Variants in MORN1 observed in about 807,000 individuals in gnomAD.
MORN1 encodes the protein MORN repeat-containing protein 1.
In MORN1, 67 loss-of-function variants were observed where a neutral mutation model predicts 61.9. The observed-to-expected ratio is 1.08, with a 90% CI of 0.89 to 1.33. MORN1 has a LOEUF of 1.33. Ranked by LOEUF, MORN1 falls within the 40% of genes most tolerant of loss-of-function variation. The pLI is 0.00. For synonymous variants in MORN1, 301 were observed against 292.0 expected, an observed-to-expected ratio of 1.03 and a Z score of -0.31; for missense variants, 752 against 691.2, an observed-to-expected ratio of 1.09 and a Z score of -0.99.
chr1:2,355,163 G>A (rs1441544519), intron 10 of MORN1: 5 of 1,156,970 alleles, frequency 4.3e-6, no homozygotes, highest in Non-Finnish European at 5.3e-6. Flanking sequence ...TCTCCAAGTA[G>A]AAGGCATGGC....
At chr1:2,391,389 G>A in intron 1 of MORN1, 69 bp downstream of exon 1, 4 of 1,246,050 alleles carry the variant, frequency 3.2e-6, no homozygotes, top group East Asian at 3.2e-5. Context: ...GGTCGAGGGC[G>A]TAGAGCGATC....
At chr1:2,387,879 G>A (rs1038506709) in intron 3 of MORN1, 20 of 424,968 alleles carry the variant, frequency 4.7e-5, no homozygotes, top group East Asian at 2.4e-4. Flanking sequence ...AGAACCCACC[G>A]ACCCCTCTGG....
chr1:2,325,140 C>CTTCCTTCCTTCCTTCCT (rs371807562), intron 12 of MORN1, among the ~76,000 whole-genome samples: 7 of 6,694 alleles, frequency 1.0e-3, no homozygotes, highest in African/African-American at 4.6e-3. Context: ...CCTTCCCTCC[C>CTTCCTTCCTTCCTTCCT]TCCCTCCCTT....
At chr1:2,386,026 C>T (rs985478559) in intron 4 of MORN1, 129 bp from the exon 5 acceptor site, 11 of 742,166 alleles carry the variant, frequency 1.5e-5, no homozygotes, top group African/African-American at 1.0e-4. Flanking sequence ...GGGCTCAGGG[C>T]CCCCCAGGAA....
At chr1:2,388,433 T>C (rs914822902) in intron 2 of MORN1, 96 bp from the exon 3 acceptor site, 2 of 953,672 alleles carry the variant, frequency 2.1e-6, no homozygotes, top group Admixed American at 3.8e-5. Context: ...AACCAAGAGC[T>C]TGGCTTCAAA....
chr1:2,355,639 G>A (rs368330944), intron 10 of MORN1, among the ~76,000 whole-genome samples: 2 of 152,328 alleles, frequency 1.3e-5, no homozygotes, highest in African/African-American at 2.4e-5. Context: ...TGTGAGTCAC[G>A]GAACCTTAGG....
At chr1:2,368,359 A>C (rs535743336) in intron 8 of MORN1, among the ~76,000 whole-genome samples, 12 of 152,360 alleles carry the variant, frequency 7.9e-5, no homozygotes, top group African/African-American at 2.9e-4. Context: ...GCAGTGTCGC[A>C]GTCATATTTA....
intron 12 of MORN1, among the ~76,000 whole-genome samples, chr1:2,330,421 C>T (rs1641124473): frequency 6.6e-6 from 1 of 152,124 alleles, no homozygotes; most frequent in Non-Finnish European, 1.5e-5. Context: ...GTCCTCTGGG[C>T]CTGGGACAGG....
intron 12 of MORN1, among the ~76,000 whole-genome samples, chr1:2,324,978 G>GCTA (rs200047282): frequency 6.3e-5 from 1 of 15,904 alleles, no homozygotes; most frequent in Non-Finnish European, 9.9e-5. Flanking sequence ...AGGAAGCTGG[G>GCTA]CCCGGCAGGT....
rs1642663688 is a variant in MORN1 at position 2,391,476 on chromosome 1, T to C, written c.58A>G (p.Arg20Gly). 1.6e-6 allele frequency: 2 copies of C among 1,255,532 alleles called. No individual in the cohort carries two copies. The highest frequency in any genetic ancestry group is 2.0e-6 in the Non-Finnish European group (2 of 993,000). 77.8% of individuals were successfully genotyped at this position (1,255,532 alleles called of 1,614,324 possible). Residue 20 changes from arginine (R) to glycine (G), a missense_variant, in exon 1 of 14, where the codon AGG becomes GGG. Transcript: ENST00000378531. ...TCGTTACCGTTCCGGGGCGGCCGCC[T>C]AGGCGGGTCCCGACGCGGCCCGCGG... is the stretch of plus-strand genomic sequence containing the variant. ...SSRGPRRDPP[R>G]RPPRNGYGVY...
chr1:2,324,292 G>A (rs1178955647), intron 12 of MORN1, 149 bp from the exon 13 acceptor site: 2 of 760,660 alleles, frequency 2.6e-6, no homozygotes, highest in East Asian at 2.8e-5. Flanking sequence ...GGGGCCATGG[G>A]CAGGACGGGG....
In MORN1 at chr1:2,387,532, G is replaced by A. The variant is rs753348549; in HGVS notation, c.248-3C>T. On this transcript the variant is annotated splice_region_variant and splice_polypyrimidine_tract_variant and intron_variant, in intron 3 of 13. Coordinates refer to ENST00000378531, the MANE Select transcript of MORN1 (RefSeq NM_024848.3). ...AAACTGTCCAGAGAAGGTGTCTCCT[G>A]CATGTGGACAAGGAGGAGGGGAGAC... 23 of 1,603,058 alleles carry A rather than the reference G, an allele frequency of 1.4e-5. No homozygotes were observed. Among genetic ancestry groups the A allele is most frequent in the Non-Finnish European group, 2.0e-5 (23 of 1,173,172 alleles).
At chr1:2,336,633 C>G in intron 11 of MORN1, 84 bp downstream of exon 11, 1 of 1,584,574 alleles carries the variant, frequency 6.3e-7, no homozygotes, top group East Asian at 2.3e-5. Flanking sequence ...CTGGGGCACA[C>G]ATGGCCTGGG....
intron 5 of MORN1, 103 bp downstream of exon 5, chr1:2,385,704 G>A: frequency 9.5e-7 from 1 of 1,056,314 alleles, no homozygotes; most frequent in Non-Finnish European, 1.5e-6. Context: ...ACAGGCCCGG[G>A]GTGTCCCATG....
intron 12 of MORN1, among the ~76,000 whole-genome samples, chr1:2,333,510 C>G (rs1020211309): frequency 6.6e-6 from 1 of 152,232 alleles, no homozygotes; most frequent in African/African-American, 2.4e-5. Context: ...ACAAAGTTGT[C>G]AGTCACAGGG....
chr1:2,354,290 G>C (rs1253143479), intron 10 of MORN1, among the ~76,000 whole-genome samples: 1 of 152,114 alleles, frequency 6.6e-6, no homozygotes, highest in Non-Finnish European at 1.5e-5. Flanking sequence ...TTAAGAAAAG[G>C]AAAGTAAAAG....
At chr1:2,333,893 G>A (rs1490022592) in intron 12 of MORN1, among the ~76,000 whole-genome samples, 1 of 146,238 alleles carries the variant, frequency 6.8e-6, no homozygotes, top group African/African-American at 2.4e-5. Context: ...CCAGAGCCAG[G>A]TTGGCTGCTG....
rs1197105435 is a variant in MORN1 at position 2,336,905 on chromosome 1, G to A, written c.1037-55C>T. Reference sequence around the variant, plus strand: ...TGAGGGGCTCAGGGCGGAGACGGAGGGAGCCCCACAGGGCTGTGCTGAAGT... The same window carrying A: ...TGAGGGGCTCAGGGCGGAGACGGAGAGAGCCCCACAGGGCTGTGCTGAAGT... On this transcript the variant is annotated intron_variant, in intron 10 of 13. Coordinates refer to ENST00000378531, the MANE Select transcript of MORN1 (RefSeq NM_024848.3). 12 of 1,481,720 alleles carry A rather than the reference G, an allele frequency of 8.1e-6. No individual in the cohort carries two copies. The African/African-American group carries it at 1.7e-4, about 21-fold the overall frequency. The allele number at this position is 1,481,720 out of a possible 1,614,324, so 91.8% of individuals were successfully genotyped here. A position where few individuals can be genotyped will look rare whatever the true frequency, so the allele number is the denominator to read the frequency against.
At chr1:2,331,206 G>C (rs922219121) in intron 12 of MORN1, among the ~76,000 whole-genome samples, 1 of 152,216 alleles carries the variant, frequency 6.6e-6, no homozygotes, top group Non-Finnish European at 1.5e-5. Context: ...CGACTTGGCA[G>C]CCAGATTCAG....
Sources: allele counts gnomAD v4.1 joint callset (sites outside exome capture counted in the v4.1 genomes callset), GRCh38; gene constraint gnomAD v4.1.1; transcripts MANE v1.5; gene names NCBI Gene and HGNC (gene_info 2026-07-23, HGNC 2026-07-21).